C1orf21: variants seen among roughly 807,000 people sequenced by gnomAD.
The protein encoded by C1orf21 is uncharacterized protein C1orf21.
C1orf21 carries 3 observed loss-of-function variants against 18.7 expected under a neutral mutation model. That is an observed-to-expected ratio of 0.16 (90% confidence interval 0.07 to 0.42). The LOEUF is 0.42. C1orf21 is among the 10% of genes least tolerant of loss of function. C1orf21 has a pLI of 0.99. For synonymous variants in C1orf21, 41 were observed against 46.4 expected, an observed-to-expected ratio of 0.88 and a Z score of 0.47; for missense variants, 104 against 143.6, an observed-to-expected ratio of 0.72 and a Z score of 1.41.
At chr1:184,470,063 C>A (rs1657471779) in intron 1 of C1orf21, among the ~76,000 whole-genome samples, 1 of 152,144 alleles carries the variant, frequency 6.6e-6, no homozygotes, top group African/African-American at 2.4e-5. Context: ...ACTTATTCTG[C>A]ATTCAGTTTT....
intron 1 of C1orf21, among the ~76,000 whole-genome samples, chr1:184,463,080 C>T (rs1014925044): frequency 2.2e-5 from 2 of 90,156 alleles, no homozygotes; most frequent in Admixed American, 1.0e-4. Context: ...AAGACTCCAT[C>T]TCAAAAAAAA....
intron 5 of C1orf21, among the ~76,000 whole-genome samples, chr1:184,617,901 G>GTTGTT (rs1334682943): frequency 9.6e-5 from 11 of 114,458 alleles, no homozygotes; most frequent in South Asian, 2.7e-4. Flanking sequence ...GTTTGTTGTT[G>GTTGTT]TTGTTTTTTT....
At chr1:184,464,163 T>A (rs1571370458) in intron 1 of C1orf21, among the ~76,000 whole-genome samples, 1 of 152,208 alleles carries the variant, frequency 6.6e-6, no homozygotes, top group African/African-American at 2.4e-5. Flanking sequence ...GGCATTCATT[T>A]ATTTTTTATT....
chr1:184,458,850 CTCT>C (rs1315506941), intron 1 of C1orf21, among the ~76,000 whole-genome samples: 1 of 152,114 alleles, frequency 6.6e-6, no homozygotes, highest in Non-Finnish European at 1.5e-5. Flanking sequence ...GATAAATTAA[CTCT>C]TGAATAAATG....
intron 3 of C1orf21, among the ~76,000 whole-genome samples, chr1:184,548,869 T>G (rs1451284502): frequency 6.6e-6 from 1 of 152,176 alleles, no homozygotes; most frequent in Non-Finnish European, 1.5e-5. Context: ...GTTGAAATAT[T>G]AATGCTCATG....
At chr1:184,450,814 G>A (rs1046766657) in intron 1 of C1orf21, among the ~76,000 whole-genome samples, 2 of 152,104 alleles carry the variant, frequency 1.3e-5, no homozygotes, top group Non-Finnish European at 2.9e-5. Flanking sequence ...AAATGATGAT[G>A]GAGAAAAAAG....
chr1:184,566,634 C>A, intron 3 of C1orf21: 1 of 381,160 alleles, frequency 2.6e-6, no homozygotes, highest in Non-Finnish European at 5.1e-6. Flanking sequence ...TTGGTCACAG[C>A]TCTTTTGGGG....
At chr1:184,619,457 C>A (rs1659881994) in intron 5 of C1orf21, 61 bp from the exon 6 acceptor site, 1 of 1,550,054 alleles carries the variant, frequency 6.5e-7, no homozygotes, top group Non-Finnish European at 8.9e-7. Context: ...TTACAAGTAA[C>A]TATTTCAGGC....
At chr1:184,614,095 A>G (rs1659780962) in intron 5 of C1orf21, among the ~76,000 whole-genome samples, 1 of 152,194 alleles carries the variant, frequency 6.6e-6, no homozygotes, top group South Asian at 2.1e-4. Context: ...GGCTTCTTTG[A>G]GGATCTGAAT....
intron 3 of C1orf21, among the ~76,000 whole-genome samples, chr1:184,517,091 A>G (rs1359574106): frequency 6.6e-6 from 1 of 152,206 alleles, no homozygotes; most frequent in Non-Finnish European, 1.5e-5. Context: ...ACTGTAGGTC[A>G]GTAGGAAAGC....
At chr1:184,475,175 G>A (rs963245571) in intron 1 of C1orf21, among the ~76,000 whole-genome samples, 1 of 152,150 alleles carries the variant, frequency 6.6e-6, no homozygotes, top group African/African-American at 2.4e-5. Context: ...CAGGTTGACA[G>A]AATGGACCTC....
chr1:184,594,078 T>C (rs940581478), intron 4 of C1orf21, among the ~76,000 whole-genome samples: 1 of 152,224 alleles, frequency 6.6e-6, no homozygotes, highest in Non-Finnish European at 1.5e-5. Context: ...GTCCTCACTT[T>C]TGTTTTTTAT....
At chr1:184,438,582 G>A (rs1031978933) in intron 1 of C1orf21, among the ~76,000 whole-genome samples, 1 of 152,194 alleles carries the variant, frequency 6.6e-6, no homozygotes, top group African/African-American at 2.4e-5. Flanking sequence ...GCCAGACATG[G>A]ACTGAGGTCT....
At chr1:184,562,088 C>T (rs1304748120) in intron 3 of C1orf21, among the ~76,000 whole-genome samples, 1 of 152,084 alleles carries the variant, frequency 6.6e-6, no homozygotes, top group Non-Finnish European at 1.5e-5. Context: ...GTTGTGGATG[C>T]TGCTGTAAGC....
intron 3 of C1orf21, among the ~76,000 whole-genome samples, chr1:184,530,568 C>T (rs1472612751): frequency 6.7e-6 from 1 of 149,740 alleles, no homozygotes; most frequent in East Asian, 1.9e-4. Flanking sequence ...TAATTTCTCC[C>T]GAGAGTCTTA....
intron 1 of C1orf21, among the ~76,000 whole-genome samples, chr1:184,439,809 C>G (rs1656916616): frequency 6.6e-6 from 1 of 152,080 alleles, no homozygotes; most frequent in Non-Finnish European, 1.5e-5. Flanking sequence ...AAACCAAAAC[C>G]ATTATGGGCT....
At chr1:184,396,868 CTGTATT>C in intron 1 of C1orf21, among the ~76,000 whole-genome samples, 1 of 152,216 alleles carries the variant, frequency 6.6e-6, no homozygotes, top group African/African-American at 2.4e-5. Context: ...GAAGGCAAGA[CTGTATT>C]TGTTTTTGAT....
At chr1:184,545,280 TAAAAA>T (rs1358093905) in intron 3 of C1orf21, among the ~76,000 whole-genome samples, 1 of 152,122 alleles carries the variant, frequency 6.6e-6, no homozygotes, top group East Asian at 1.9e-4. Flanking sequence ...TCGCACCTGT[TAAAAA>T]GAATAAAAAA....
At chr1:184,557,153 T>C (rs1658889951) in intron 3 of C1orf21, among the ~76,000 whole-genome samples, 1 of 152,216 alleles carries the variant, frequency 6.6e-6, no homozygotes, top group Non-Finnish European at 1.5e-5. Flanking sequence ...CTCCTGACGC[T>C]CATTAATGTC....
Sources: allele counts gnomAD v4.1 joint callset (sites outside exome capture counted in the v4.1 genomes callset), GRCh38; gene constraint gnomAD v4.1.1; transcripts MANE v1.5; gene names NCBI Gene and HGNC (gene_info 2026-07-23, HGNC 2026-07-21).